The following MDGA2 variants were observed in gnomAD, a reference collection of about 807,000 sequenced individuals.
The protein encoded by MDGA2 is MAM domain-containing glycosylphosphatidylinositol anchor protein 2.
In MDGA2, 40 loss-of-function variants were observed where a neutral mutation model predicts 117.8. The observed-to-expected ratio is 0.34, with a 90% CI of 0.26 to 0.44. The LOEUF is 0.44. MDGA2 is among the 20% of genes least tolerant of loss of function. The pLI, the probability that MDGA2 is intolerant of heterozygous loss-of-function variation, is 1.00. For missense variants in MDGA2, 1,123 were observed against 1,250.6 expected, an observed-to-expected ratio of 0.90 and a Z score of 1.54; for synonymous variants, 452 against 439.0, an observed-to-expected ratio of 1.03 and a Z score of -0.37.
At chr14:47,022,710 A>C (rs893262573) in intron 8 of MDGA2, among the ~76,000 whole-genome samples, 1 of 152,164 alleles carries the variant, frequency 6.6e-6, no homozygotes, top group Non-Finnish European at 1.5e-5. Context: ...GATTGTAAAG[A>C]GTGGGCTCAT....
intron 5 of MDGA2, among the ~76,000 whole-genome samples, chr14:47,123,988 G>C (rs1484185033): frequency 6.6e-6 from 1 of 152,002 alleles, no homozygotes; most frequent in East Asian, 1.9e-4. Context: ...AAGAGTTACA[G>C]GGAACATCTT....
chr14:46,852,051 C>T (rs1160420167), intron 15 of MDGA2, among the ~76,000 whole-genome samples: 2 of 151,592 alleles, frequency 1.3e-5, no homozygotes, highest in African/African-American at 2.4e-5. Context: ...AGTCCTTAGC[C>T]AATAGACCTA....
chr14:47,500,352 T>A (rs1448612528), intron 1 of MDGA2, among the ~76,000 whole-genome samples: 1 of 152,052 alleles, frequency 6.6e-6, no homozygotes, highest in Admixed American at 6.6e-5. Context: ...CTCTATACAT[T>A]GGTAATAAGA....
At chr14:47,303,809 C>T (rs1889358105) in intron 1 of MDGA2, among the ~76,000 whole-genome samples, 1 of 152,072 alleles carries the variant, frequency 6.6e-6, no homozygotes, top group Non-Finnish European at 1.5e-5. Flanking sequence ...CCTTTCCAGA[C>T]TAATTTACAC....
At chr14:47,224,211 ACT>A (rs1401005178) in intron 2 of MDGA2, among the ~76,000 whole-genome samples, 2 of 151,734 alleles carry the variant, frequency 1.3e-5, no homozygotes, top group African/African-American at 4.8e-5. Context: ...TTTCTTGGTA[ACT>A]CTCTTCCTAA....
Position 47,214,997 on chromosome 14 carries a change from C to T in MDGA2, c.595+3024G>A, listed in dbSNP as rs949029176. ...TTTGTTAAACCAAGTCATAGTCTGC[C>T]TCAGCTTGGTGTTGTAAAAATAGTT... On this transcript the variant is annotated intron_variant, in intron 3 of 16. Transcript: ENST00000399232. Among the ~76,000 whole-genome samples, 5 of 152,146 alleles carry T rather than the reference C, an allele frequency of 3.3e-5. 1 individual carries two copies. The highest frequency in any genetic ancestry group is 6.6e-5 in the Admixed American group (1 of 15,264).
intron 10 of MDGA2, among the ~76,000 whole-genome samples, chr14:46,892,110 A>T (rs1461748361): frequency 6.6e-6 from 1 of 151,874 alleles, no homozygotes; most frequent in African/African-American, 2.4e-5. Flanking sequence ...AAAATAATAT[A>T]AAAATGTGTT....
chr14:47,505,532 C>T (rs1279044062), intron 1 of MDGA2, among the ~76,000 whole-genome samples: 2 of 152,042 alleles, frequency 1.3e-5, no homozygotes, highest in Non-Finnish European at 2.9e-5. Flanking sequence ...ACTATGTACT[C>T]AAGTGTTTGT....
chr14:47,508,352 ACTCTCTCTCTCTCT>A (rs3039658), intron 1 of MDGA2, among the ~76,000 whole-genome samples: 1 of 132,762 alleles, frequency 7.5e-6, no homozygotes, highest in African/African-American at 2.9e-5. Context: ...TTGCTGATTG[ACTCTCTCTCTCTCT>A]CTCTCTCTCT....
intron 3 of MDGA2, among the ~76,000 whole-genome samples, chr14:47,162,314 G>A (rs1271846719): frequency 6.6e-6 from 1 of 151,720 alleles, no homozygotes; most frequent in Non-Finnish European, 1.5e-5. Flanking sequence ...ATATATCTTA[G>A]ACTGTATAAT....
At chr14:47,527,581 G>A (rs1224960399) in intron 1 of MDGA2, among the ~76,000 whole-genome samples, 3 of 152,198 alleles carry the variant, frequency 2.0e-5, no homozygotes. Flanking sequence ...TACAGCAGGA[G>A]TGATGTGGCG....
At chr14:47,089,683 A>G (rs1274228602) in intron 6 of MDGA2, among the ~76,000 whole-genome samples, 1 of 152,074 alleles carries the variant, frequency 6.6e-6, no homozygotes, top group Non-Finnish European at 1.5e-5. Context: ...TAGCACATAT[A>G]TACCATGGAA....
intron 1 of MDGA2, among the ~76,000 whole-genome samples, chr14:47,358,701 T>A (rs1408666132): frequency 2.0e-5 from 3 of 152,006 alleles, no homozygotes; most frequent in Non-Finnish European, 4.4e-5. Context: ...AAGAAAACAA[T>A]CCCATTTATG....
At chr14:47,285,206 T>C (rs978582331) in intron 2 of MDGA2, among the ~76,000 whole-genome samples, 2 of 152,132 alleles carry the variant, frequency 1.3e-5, no homozygotes, top group Admixed American at 6.6e-5. Flanking sequence ...GGGCTTTCTG[T>C]TTTGTGCCAG....
At chr14:47,586,734 A>G (rs910802447) in intron 1 of MDGA2, among the ~76,000 whole-genome samples, 2 of 151,930 alleles carry the variant, frequency 1.3e-5, no homozygotes, top group African/African-American at 4.8e-5. Flanking sequence ...AAAGCCCTTC[A>G]AAAGCCAAAG....
At chr14:47,658,025 C>A (rs1202174141) in intron 1 of MDGA2, among the ~76,000 whole-genome samples, 1 of 152,144 alleles carries the variant, frequency 6.6e-6, no homozygotes, top group Non-Finnish European at 1.5e-5. Context: ...CCCAGAATTA[C>A]AGGGCCTGTG....
chr14:47,154,060 TA>T (rs1883269846), intron 3 of MDGA2, among the ~76,000 whole-genome samples: 1 of 151,922 alleles, frequency 6.6e-6, no homozygotes, highest in Non-Finnish European at 1.5e-5. Flanking sequence ...ACATAAAAAA[TA>T]AAAAAAGTAG....
At chr14:47,644,570 G>A (rs958318717) in intron 1 of MDGA2, among the ~76,000 whole-genome samples, 2 of 152,014 alleles carry the variant, frequency 1.3e-5, no homozygotes, top group Non-Finnish European at 2.9e-5. Flanking sequence ...AGGAGAGGGA[G>A]AAGGGAAGAG....
intron 1 of MDGA2, among the ~76,000 whole-genome samples, chr14:47,346,602 T>C (rs1185093056): frequency 6.6e-6 from 1 of 152,228 alleles, no homozygotes; most frequent in Non-Finnish European, 1.5e-5. Context: ...TAGTATTGCA[T>C]AACATGTTTA....
Sources: allele counts gnomAD v4.1 joint callset (sites outside exome capture counted in the v4.1 genomes callset), GRCh38; gene constraint gnomAD v4.1.1; transcripts MANE v1.5; gene names NCBI Gene and HGNC (gene_info 2026-07-23, HGNC 2026-07-21).